CCDC138: variants seen among roughly 807,000 people sequenced by gnomAD.
CCDC138 encodes coiled-coil domain-containing protein 138.
Under a neutral mutation model 82.3 loss-of-function variants are expected in CCDC138, and 66 were observed. The observed-to-expected ratio is 0.80, with a 90% CI of 0.66 to 0.98. The LOEUF (loss-of-function observed/expected upper bound fraction) is 0.98, where lower values mean the gene tolerates loss of function less well. CCDC138 is among the 50% of genes least tolerant of loss of function. CCDC138 has a pLI of 0.00. For missense variants in CCDC138, 816 were observed against 758.9 expected (o/e 1.08, Z -0.88); for synonymous variants, 297 against 265.4 (o/e 1.12, Z -1.16).
chr2:108,790,626 C>T (rs920578572), intron 3 of CCDC138, among the ~76,000 whole-genome samples: 7 of 152,090 alleles, frequency 4.6e-5, no homozygotes, highest in Non-Finnish European at 8.8e-5. Context: ...TGCTTGGACC[C>T]GGAGGCAGAG....
intron 12 of CCDC138, among the ~76,000 whole-genome samples, chr2:108,854,392 T>TTTTG (rs146612215): frequency 1.3e-5 from 2 of 151,872 alleles, no homozygotes; most frequent in African/African-American, 2.4e-5. Flanking sequence ...GGAAGGTCTT[T>TTTTG]TTTGTTTGTT....
chr2:108,863,278 AATCCTAC>A (rs1387845300), intron 13 of CCDC138, among the ~76,000 whole-genome samples: 1 of 152,230 alleles, frequency 6.6e-6, no homozygotes, highest in African/African-American at 2.4e-5. Flanking sequence ...GCACCAACCT[AATCCTAC>A]ATACATATCA....
intron 7 of CCDC138, among the ~76,000 whole-genome samples, chr2:108,810,709 T>C (rs1683643736): frequency 6.6e-6 from 1 of 152,234 alleles, no homozygotes; most frequent in Non-Finnish European, 1.5e-5. Flanking sequence ...CTTCAGTTTT[T>C]TGGGATAGTT....
chr2:108,883,526 G>T (rs11682896), intron 2 of CCDC138: 2 of 152,140 alleles, frequency 1.3e-5, no homozygotes, highest in Non-Finnish European at 2.9e-5. Flanking sequence ...TCCCAGGGTT[G>T]GCATGTTTGC....
intron 6 of CCDC138, among the ~76,000 whole-genome samples, chr2:108,798,962 A>G (rs1681422049): frequency 6.6e-6 from 1 of 152,140 alleles, no homozygotes; most frequent in Non-Finnish European, 1.5e-5. Context: ...ATTAGCGCAT[A>G]TCAGGAAATT....
chr2:108,843,991 A>G (rs1431633446), intron 11 of CCDC138, among the ~76,000 whole-genome samples: 1 of 148,678 alleles, frequency 6.7e-6, no homozygotes, highest in Non-Finnish European at 1.5e-5. Flanking sequence ...CCTGGGCTCA[A>G]GCTGGGACCA....
chr2:108,872,679 G>C (rs577936737), intron 13 of CCDC138, among the ~76,000 whole-genome samples: 1 of 152,262 alleles, frequency 6.6e-6, no homozygotes, highest in Admixed American at 6.5e-5. Context: ...GAGAGCAAGA[G>C]GGGGCTGCAC....
intron 13 of CCDC138, 149 bp from the exon 14 acceptor site, chr2:108,873,300 GAT>G: frequency 2.6e-5 from 1 of 38,750 alleles, no homozygotes; most frequent in East Asian, 1.1e-3. Context: ...TTTTTCAAAT[GAT>G]GATATTTTCA....
At chr2:108,878,661 A>C (rs2105340664), downstream of CCDC138, among the ~76,000 whole-genome samples, 1 of 152,294 alleles carries the variant, frequency 6.6e-6, no homozygotes, top group East Asian at 1.9e-4. Context: ...ATTTGAAAAA[A>C]ATTGTTTTTA....
intron 10 of CCDC138, among the ~76,000 whole-genome samples, chr2:108,817,303 T>C (rs1009681996): frequency 2.6e-5 from 4 of 151,938 alleles, no homozygotes; most frequent in African/African-American, 4.8e-5. Context: ...TTTTTTCTTT[T>C]TTTTTTTTGA....
At chr2:108,812,954 A>G (rs1483532355) in intron 9 of CCDC138, 27 bp downstream of exon 9, 1 of 1,607,698 alleles carries the variant, frequency 6.2e-7, no homozygotes, top group Admixed American at 1.7e-5. Context: ...ATTTGATATG[A>G]TTGAAAATTT....
chr2:108,843,875 TG>T (rs60792404), intron 11 of CCDC138, among the ~76,000 whole-genome samples: 7,565 of 35,616 alleles, frequency 0.21, 367 homozygotes, highest in Non-Finnish European at 0.3. Flanking sequence ...TGTGTGTGTG[TG>T]TGTTTCTTTC....
chr2:108,864,708 C>T (rs1206867599), intron 13 of CCDC138, among the ~76,000 whole-genome samples: 2 of 151,410 alleles, frequency 1.3e-5, no homozygotes, highest in African/African-American at 4.8e-5. Flanking sequence ...GCAGGAGAAT[C>T]ACTTGCACCC....
At chr2:108,851,211 C>A (rs1056465934) in intron 12 of CCDC138, among the ~76,000 whole-genome samples, 1 of 152,168 alleles carries the variant, frequency 6.6e-6, no homozygotes, top group Non-Finnish European at 1.5e-5. Flanking sequence ...TCTGTCCCCT[C>A]CCTGGAGCAC....
chr2:108,793,578 C>T (rs547680806), intron 4 of CCDC138, among the ~76,000 whole-genome samples: 10 of 151,940 alleles, frequency 6.6e-5, no homozygotes, highest in Non-Finnish European at 1.3e-4. Flanking sequence ...TATATACCCT[C>T]AGGAAACTTT....
At chr2:108,833,033 A>G (rs1382717251) in intron 10 of CCDC138, among the ~76,000 whole-genome samples, 3 of 152,230 alleles carry the variant, frequency 2.0e-5, no homozygotes, top group Non-Finnish European at 2.9e-5. Context: ...GCTACATACT[A>G]TATGATTCCA....
At position 108,861,826 on chromosome 2, in the gene CCDC138, C is replaced by T. The variant is rs1010196313; in HGVS notation, c.1693+4856C>T. 4.6e-4 allele frequency among the ~76,000 whole-genome samples: 70 copies of T among 152,002 alleles called. 3 individuals are homozygous for T. Among genetic ancestry groups the T allele is most frequent in the African/African-American group, 1.9e-4 (8 of 41,384 alleles). On this transcript the variant is annotated intron_variant, in intron 13 of 14. Coordinates refer to ENST00000295124, the MANE Select transcript of CCDC138 (RefSeq NM_144978.3). Reference sequence around the variant, plus strand: ...TGCTGGGATTACAGGCGTGAGCCACCGCGCCCAGCCTAAACTTTCTTCTTA... The same window carrying T: ...TGCTGGGATTACAGGCGTGAGCCACTGCGCCCAGCCTAAACTTTCTTCTTA...
intron 14 of CCDC138, among the ~76,000 whole-genome samples, chr2:108,874,668 A>G (rs541490638): frequency 2.4e-4 from 36 of 152,300 alleles, no homozygotes; most frequent in African/African-American, 8.4e-4. Context: ...TAAGAGATCC[A>G]TATGTTCTAT....
At chr2:108,807,834 T>G (rs1030624488) in intron 7 of CCDC138, among the ~76,000 whole-genome samples, 1 of 152,158 alleles carries the variant, frequency 6.6e-6, no homozygotes, top group Non-Finnish European at 1.5e-5. Context: ...GCCAGGGTGG[T>G]CTCAAACCAA....
Sources: allele counts gnomAD v4.1 joint callset (sites outside exome capture counted in the v4.1 genomes callset), GRCh38; gene constraint gnomAD v4.1.1; transcripts MANE v1.5; gene names NCBI Gene and HGNC (gene_info 2026-07-23, HGNC 2026-07-21).